The following FBXO25 variants were observed in gnomAD, a reference collection of about 807,000 sequenced individuals.
FBXO25 encodes F-box protein 25.
In FBXO25, 45 loss-of-function variants were observed where a neutral mutation model predicts 51.9. That is an observed-to-expected ratio of 0.87 (90% CI 0.68 to 1.11). The LOEUF is 1.11. Among genes scored for constraint, FBXO25 ranks in the 50% most tolerant of loss-of-function variants. The probability of loss-of-function intolerance (pLI) is 0.00; values close to 1 mark genes in which losing one functional copy is unlikely to be tolerated. For missense variants in FBXO25, 507 were observed against 428.5 expected (o/e 1.18, Z -1.62); for synonymous variants, 199 against 151.0 (o/e 1.32, Z -2.33).
In FBXO25 at chr8:423,280, G is replaced by C. The variant is rs376965422; in HGVS notation, c.135-8061G>C. On this transcript the variant is annotated intron_variant, in intron 2 of 9. Coordinates refer to ENST00000350302, the MANE Select transcript of FBXO25 (RefSeq NM_183420.2). Reference sequence around the variant, plus strand: ...TGTGGTTCTTACTCAGAGTTGTCTGGTTATTTGTGCTTACTGGTTCTTCTT... The same window carrying C: ...TGTGGTTCTTACTCAGAGTTGTCTGCTTATTTGTGCTTACTGGTTCTTCTT... Among the ~76,000 whole-genome samples the C allele has an allele frequency of 1.2e-4, 19 of 152,264 alleles. No individual in the cohort carries two copies. The South Asian group carries it at 3.3e-3, about 27-fold the overall frequency.
chr8:466,415 A>G (rs1800164329), intron 9 of FBXO25, among the ~76,000 whole-genome samples: 1 of 152,228 alleles, frequency 6.6e-6, no homozygotes, highest in Non-Finnish European at 1.5e-5. Context: ...CTGCACCTGG[A>G]AACTGGCACA....
intron 5 of FBXO25, among the ~76,000 whole-genome samples, chr8:438,238 T>G (rs927323218): frequency 6.6e-6 from 1 of 152,114 alleles, no homozygotes; most frequent in Admixed American, 6.5e-5. Flanking sequence ...TTTGTATTTT[T>G]AGTAGAGATG....
chr8:444,724 C>G (rs527589761), intron 5 of FBXO25, among the ~76,000 whole-genome samples: 1 of 152,184 alleles, frequency 6.6e-6, no homozygotes, highest in South Asian at 2.1e-4. Context: ...GTCGTGGCCA[C>G]ATAAGATTAT....
In FBXO25 at chr8:428,761, T is replaced by C. The variant is rs144408666; in HGVS notation, c.135-2580T>C. On this transcript the variant is annotated intron_variant, in intron 2 of 9. Coordinates refer to ENST00000350302, the MANE Select transcript of FBXO25 (RefSeq NM_183420.2). ...ATTTTCTGTTTGTATGATTTGACTT[T>C]TCTGAGTACCTCATATAAGTCAAAT... is the stretch of plus-strand genomic sequence containing the variant. Among the ~76,000 whole-genome samples the C allele has an allele frequency of 7.8e-3, 1,194 of 152,334 alleles. 11 individuals carry two copies. Among genetic ancestry groups the C allele is most frequent in the African/African-American group, 0.027 (1,132 of 41,572 alleles).
chr8:463,034 A>G lies in FBXO25; in HGVS notation c.871A>G (p.Lys291Glu), dbSNP rs775535058. 3 of 1,612,572 alleles carry G rather than the reference A, an allele frequency of 1.9e-6. No homozygotes were observed. The highest frequency in any genetic ancestry group is 2.5e-6 in the Non-Finnish European group (3 of 1,179,718). ...QFCRHLILSE[K>E]GHIEWKLMYF... is the part of the protein sequence containing the mutation. ...TTGTAGACATTTGATCCTTTCAGAAAAAGGTCATATTGAATGGAAGTTGAT... is the reference window on the plus strand; with the variant it reads ...TTGTAGACATTTGATCCTTTCAGAAGAAGGTCATATTGAATGGAAGTTGAT... The change falls in exon 9 of 10, where the codon AAA becomes GAA. Residue 291 changes from lysine (K) to glutamate (E), a missense_variant. By Grantham distance (56) the Lys-to-Glu change is moderately conservative. Coordinates refer to ENST00000350302, the MANE Select transcript of FBXO25 (RefSeq NM_183420.2).
At chr8:426,585 A>G (rs1446939565) in intron 2 of FBXO25, among the ~76,000 whole-genome samples, 1 of 152,150 alleles carries the variant, frequency 6.6e-6, no homozygotes, top group Non-Finnish European at 1.5e-5. Flanking sequence ...AGGAAGTCAC[A>G]GAATGTGGGA....
intron 2 of FBXO25, among the ~76,000 whole-genome samples, chr8:423,907 T>A (rs1232228009): frequency 6.6e-6 from 1 of 152,202 alleles, no homozygotes; most frequent in Non-Finnish European, 1.5e-5. Flanking sequence ...TACATTCCCG[T>A]CAACAGTGTA....
intron 9 of FBXO25, 25 bp from the exon 10 acceptor site, chr8:468,690 C>G: frequency 6.2e-7 from 1 of 1,607,894 alleles, no homozygotes; most frequent in Non-Finnish European, 8.5e-7. Flanking sequence ...GGGCCCCCTC[C>G]TAACCATCTC....
At chr8:450,160 A>G (rs1309031194) in intron 6 of FBXO25, 77 bp downstream of exon 6, 30 of 1,040,748 alleles carry the variant, frequency 2.9e-5, no homozygotes, top group East Asian at 1.7e-4. Context: ...TTTTTCTTTT[A>G]TCTTTACCCA....
At chr8:456,506 C>T (rs538663052) in intron 7 of FBXO25, among the ~76,000 whole-genome samples, 1 of 152,320 alleles carries the variant, frequency 6.6e-6, no homozygotes, top group East Asian at 1.9e-4. Context: ...ACCATGCTGG[C>T]TGCTGGGGAA....
At position 470,675 on chromosome 8, in the gene FBXO25, C is replaced by G. The variant is rs1800454187; in HGVS notation, c.*1871C>G. ...GGATTACAGGCATGAGCCACCACGTCCAGCTGAGAAAAGAAATTGTTCTAA... is the reference window on the plus strand; with the variant it reads ...GGATTACAGGCATGAGCCACCACGTGCAGCTGAGAAAAGAAATTGTTCTAA... On this transcript the variant is annotated 3_prime_UTR_variant, in exon 10 of 10. Transcript: ENST00000350302. 1 of 152,176 alleles carries G rather than the reference C, an allele frequency of 6.6e-6. No homozygotes were observed. The highest frequency in any genetic ancestry group is 6.5e-5 in the Admixed American group (1 of 15,286). 9.4% of individuals were successfully genotyped at this position (152,176 alleles called of 1,614,324 possible).
Position 431,373 on chromosome 8 carries a change from A to G in FBXO25, c.167A>G (p.Asn56Ser), listed in dbSNP as rs761689114. 5.8e-6 allele frequency: 9 copies of G among 1,543,942 alleles called. No individual in the cohort carries two copies. The Admixed American group carries it at 8.5e-5, about 14-fold the overall frequency. Residue 56 changes from asparagine to serine, a missense_variant, in exon 3 of 10, where the codon AAT becomes AGT. Coordinates refer to ENST00000350302, the MANE Select transcript of FBXO25 (RefSeq NM_183420.2). ...AATAGTGAAGATGGAGAAATATTCA[A>G]TAATGAAGAGCATGAATATGCATCG... is the stretch of plus-strand genomic sequence containing the variant. ...ILNSEDGEIF[N>S]NEEHEYASKK...
At chr8:423,557 G>A (rs921911059) in intron 2 of FBXO25, among the ~76,000 whole-genome samples, 2 of 151,970 alleles carry the variant, frequency 1.3e-5, no homozygotes, top group African/African-American at 2.4e-5. Context: ...TTGGTTTTCT[G>A]TTCCTGCATT....
At chr8:466,449 C>G (rs1183428572) in intron 9 of FBXO25, among the ~76,000 whole-genome samples, 1 of 152,210 alleles carries the variant, frequency 6.6e-6, no homozygotes, top group African/African-American at 2.4e-5. Flanking sequence ...GAAAATGGCA[C>G]TTAGGGTTAG....
Position 476,096 on chromosome 8 carries a change from C to G in FBXO25, c.*7292C>G, listed in dbSNP as rs1800633286. 1 of 152,124 alleles carries G rather than the reference C, an allele frequency of 6.6e-6. No homozygotes were observed. Among genetic ancestry groups the G allele is most frequent in the South Asian group, 2.1e-4 (1 of 4,824 alleles). 9.4% of individuals were successfully genotyped at this position (152,124 alleles called of 1,614,324 possible). Reference sequence around the variant, plus strand: ...ATCATGAAAGGGCATGACATTGTCTCAAATGCTTTTTCTCCATCAATGGAG... The same window carrying G: ...ATCATGAAAGGGCATGACATTGTCTGAAATGCTTTTTCTCCATCAATGGAG... On this transcript the variant is annotated 3_prime_UTR_variant, in exon 10 of 10. Transcript: ENST00000350302.
chr8:453,545 C>T (rs1200964152), intron 7 of FBXO25, among the ~76,000 whole-genome samples: 1 of 152,150 alleles, frequency 6.6e-6, no homozygotes, highest in Admixed American at 6.5e-5. Context: ...AGATGCCGGA[C>T]TCAGTCAGCC....
chr8:424,905 A>G (rs1269627893), intron 2 of FBXO25, among the ~76,000 whole-genome samples: 3 of 152,290 alleles, frequency 2.0e-5, no homozygotes, highest in East Asian at 1.9e-4. Context: ...AATGCATTTT[A>G]TAATTAACTT....
intron 7 of FBXO25, among the ~76,000 whole-genome samples, chr8:451,746 C>T (rs1003456807): frequency 6.6e-6 from 1 of 152,126 alleles, no homozygotes; most frequent in Non-Finnish European, 1.5e-5. Flanking sequence ...ATTAGAATAA[C>T]ATTCAGTAAA....
At chr8:423,947 C>G (rs1700449802) in intron 2 of FBXO25, among the ~76,000 whole-genome samples, 2 of 152,146 alleles carry the variant, frequency 1.3e-5, no homozygotes, top group African/African-American at 4.8e-5. Flanking sequence ...TCAGCCTTGC[C>G]AGCATCTGTT....
Sources: allele counts gnomAD v4.1 joint callset (sites outside exome capture counted in the v4.1 genomes callset), GRCh38; gene constraint gnomAD v4.1.1; transcripts MANE v1.5; gene names NCBI Gene and HGNC (gene_info 2026-07-23, HGNC 2026-07-21).